TSPAN18: variants seen among roughly 807,000 people sequenced by gnomAD.
TSPAN18 encodes tetraspanin 18.
TSPAN18 carries 14 observed loss-of-function variants against 27.3 expected under a neutral mutation model. The observed-to-expected ratio is 0.51, with a 90% confidence interval of 0.34 to 0.80. The LOEUF is 0.80. TSPAN18 is among the 30% of genes least tolerant of loss of function. TSPAN18 has a pLI of 0.01. For missense variants in TSPAN18, 268 were observed against 323.9 expected, an observed-to-expected ratio of 0.83 and a Z score of 1.32; for synonymous variants, 143 against 136.5, an observed-to-expected ratio of 1.05 and a Z score of -0.33.
At chr11:44,865,317 T>C (rs1406969752) in intron 3 of TSPAN18, among the ~76,000 whole-genome samples, 1 of 152,142 alleles carries the variant, frequency 6.6e-6, no homozygotes, top group Non-Finnish European at 1.5e-5. Flanking sequence ...AATGGCATCA[T>C]AGGGCTGCGA....
intron 8 of TSPAN18, among the ~76,000 whole-genome samples, chr11:44,924,591 G>T (rs534575892): frequency 6.6e-6 from 1 of 152,322 alleles, no homozygotes; most frequent in South Asian, 2.1e-4. Flanking sequence ...GCAGGCACGT[G>T]GAACACTGAG....
intron 1 of TSPAN18, among the ~76,000 whole-genome samples, chr11:44,763,157 C>T (rs16938073): frequency 0.052 from 7,885 of 152,228 alleles, 290 homozygotes; most frequent in African/African-American, 0.099. Flanking sequence ...CATTATCATT[C>T]GAGAGACCTG....
At chr11:44,779,210 C>T (rs971037333) in intron 2 of TSPAN18, among the ~76,000 whole-genome samples, 1 of 152,166 alleles carries the variant, frequency 6.6e-6, no homozygotes, top group Non-Finnish European at 1.5e-5. Flanking sequence ...TTCCTCCCCA[C>T]CCACTCCATG....
chr11:44,855,497 C>T (rs1857711507), intron 2 of TSPAN18, among the ~76,000 whole-genome samples: 1 of 152,166 alleles, frequency 6.6e-6, no homozygotes, highest in South Asian at 2.1e-4. Context: ...GTGGTTGAAT[C>T]TCACATTTCT....
At chr11:44,745,282 G>C (rs1211734504) in intron 1 of TSPAN18, among the ~76,000 whole-genome samples, 1 of 152,172 alleles carries the variant, frequency 6.6e-6, no homozygotes, top group East Asian at 1.9e-4. Context: ...ATTTCATCCT[G>C]GTGGAGAAAC....
intron 2 of TSPAN18, among the ~76,000 whole-genome samples, chr11:44,830,684 A>T (rs1857135540): frequency 6.6e-6 from 1 of 152,210 alleles, no homozygotes; most frequent in Non-Finnish European, 1.5e-5. Context: ...ACAAATAAGT[A>T]AGCAAATTCA....
At chr11:44,782,933 A>G (rs1401490207) in intron 2 of TSPAN18, among the ~76,000 whole-genome samples, 3 of 152,034 alleles carry the variant, frequency 2.0e-5, no homozygotes, top group Non-Finnish European at 2.9e-5. Flanking sequence ...GGTTCAAGCA[A>G]TTCTTGTGCC....
intron 1 of TSPAN18, among the ~76,000 whole-genome samples, chr11:44,759,423 G>A (rs570003204): frequency 1.1e-4 from 17 of 152,330 alleles, no homozygotes; most frequent in Admixed American, 1.1e-3. Flanking sequence ...AGAGTCCTAA[G>A]AGTCTCAGTT....
intron 1 of TSPAN18, among the ~76,000 whole-genome samples, chr11:44,762,145 G>T (rs1416301000): frequency 1.3e-5 from 2 of 152,220 alleles, no homozygotes; most frequent in African/African-American, 4.8e-5. Flanking sequence ...CTTTGGAATT[G>T]CATGAACATT....
At chr11:44,770,511 G>T (rs1336653991) in intron 2 of TSPAN18, among the ~76,000 whole-genome samples, 1 of 152,146 alleles carries the variant, frequency 6.6e-6, no homozygotes, top group Non-Finnish European at 1.5e-5. Context: ...AGTGTGGATG[G>T]AGAGGAGGCC....
intron 3 of TSPAN18, among the ~76,000 whole-genome samples, chr11:44,869,163 C>T (rs1272623166): frequency 1.3e-5 from 2 of 152,178 alleles, no homozygotes; most frequent in Non-Finnish European, 2.9e-5. Context: ...GCAGACTGGG[C>T]CGGGAGGGAT....
chr11:44,908,833 G>GAAAA (rs1564993509), intron 4 of TSPAN18, among the ~76,000 whole-genome samples: 3 of 94,060 alleles, frequency 3.2e-5, no homozygotes, highest in Non-Finnish European at 6.8e-5. Context: ...GAAAGAAAAA[G>GAAAA]AAAAATGGAG....
At position 44,749,837 on chromosome 11, in the gene TSPAN18, C is replaced by T. The variant is rs545705105; in HGVS notation, c.-239-14589C>T. Among the ~76,000 whole-genome samples, 129 of 152,106 alleles carry T rather than the reference C, an allele frequency of 8.5e-4. 1 individual carries two copies. Among genetic ancestry groups the T allele is most frequent in the Non-Finnish European group, 1.2e-3 (79 of 68,022 alleles). On this transcript the variant is annotated intron_variant, in intron 1 of 9. Transcript: ENST00000520358. ...ATTTTTAGTAGAGACGGGGTTTCAC[C>T]GTGTTAGCCAGGGTGGCCTCCATCT...
intron 1 of TSPAN18, among the ~76,000 whole-genome samples, chr11:44,741,531 GATA>G (rs1854935593): frequency 6.6e-6 from 1 of 151,570 alleles, no homozygotes; most frequent in African/African-American, 2.4e-5. Context: ...TAATGATGAT[GATA>G]ATGTAGCTAA....
intron 3 of TSPAN18, among the ~76,000 whole-genome samples, chr11:44,870,090 T>C (rs537223364): frequency 5.3e-4 from 80 of 152,346 alleles, no homozygotes; most frequent in African/African-American, 1.8e-3. Context: ...AACAGTTTTA[T>C]AGAGGTATAA....
At chr11:44,917,648 G>GT (rs1195232023) in intron 5 of TSPAN18, 1 of 241,274 alleles carries the variant, frequency 4.1e-6, no homozygotes, top group African/African-American at 2.2e-5. Context: ...GCTCAAACGG[G>GT]TTTCATCAGC....
At chr11:44,802,067 A>G (rs1370831223) in intron 2 of TSPAN18, among the ~76,000 whole-genome samples, 3 of 152,132 alleles carry the variant, frequency 2.0e-5, no homozygotes, top group Admixed American at 2.0e-4. Context: ...GTGTTCAAGA[A>G]TGTCATCATC....
chr11:44,746,736 AAC>A (rs755047678), intron 1 of TSPAN18, among the ~76,000 whole-genome samples: 1 of 152,196 alleles, frequency 6.6e-6, no homozygotes, highest in Non-Finnish European at 1.5e-5. Flanking sequence ...CAGCCTGGGC[AAC>A]AGAATGAGAC....
chr11:44,746,315 G>A (rs974909703), intron 1 of TSPAN18, among the ~76,000 whole-genome samples: 7 of 152,196 alleles, frequency 4.6e-5, no homozygotes, highest in Admixed American at 2.6e-4. Context: ...GGGTGAGTTA[G>A]AAGGGAACAG....
Sources: allele counts gnomAD v4.1 joint callset (sites outside exome capture counted in the v4.1 genomes callset), GRCh38; gene constraint gnomAD v4.1.1; transcripts MANE v1.5; gene names NCBI Gene and HGNC (gene_info 2026-07-23, HGNC 2026-07-21).